Variants in FBXL17 observed in about 807,000 individuals in gnomAD.
FBXL17 encodes the protein F-box and leucine rich repeat protein 17.
In FBXL17, 22 loss-of-function variants were observed where a neutral mutation model predicts 66.2. That is an observed-to-expected ratio of 0.33 (90% CI 0.24 to 0.47). The LOEUF (loss-of-function observed/expected upper bound fraction) is 0.47, where lower values mean the gene tolerates loss of function less well. Ranked by LOEUF, FBXL17 falls within the 20% of genes least tolerant of loss-of-function variation. FBXL17 has a pLI of 1.00. For synonymous variants in FBXL17, 474 were observed against 400.5 expected, an observed-to-expected ratio of 1.18 and a Z score of -2.19; for missense variants, 878 against 948.2, an observed-to-expected ratio of 0.93 and a Z score of 0.97.
intron 7 of FBXL17, among the ~76,000 whole-genome samples, chr5:107,984,154 T>C (rs892226825): frequency 1.3e-5 from 2 of 152,108 alleles, no homozygotes; most frequent in Non-Finnish European, 2.9e-5. Flanking sequence ...GCTTTTTTCC[T>C]TATGAGCTGG....
chr5:108,238,533 C>T (rs958707042), intron 4 of FBXL17, among the ~76,000 whole-genome samples: 1 of 152,138 alleles, frequency 6.6e-6, no homozygotes, highest in African/African-American at 2.4e-5. Context: ...TTTGGGGGAA[C>T]AGGGTCTCAT....
chr5:108,256,298 A>T (rs568372243), intron 4 of FBXL17, among the ~76,000 whole-genome samples: 98 of 152,340 alleles, frequency 6.4e-4, no homozygotes, highest in African/African-American at 2.3e-3. Flanking sequence ...TTATCTTGAC[A>T]TTCAAACAAA....
chr5:108,299,034 A>T (rs1229183368), intron 4 of FBXL17: 1 of 978,082 alleles, frequency 1.0e-6, no homozygotes, highest in Non-Finnish European at 1.2e-6. Flanking sequence ...TGGATACCTC[A>T]TTTTAACATG....
At chr5:108,285,768 CT>C (rs1305943778) in intron 4 of FBXL17, among the ~76,000 whole-genome samples, 3 of 151,196 alleles carry the variant, frequency 2.0e-5, no homozygotes, top group Non-Finnish European at 4.4e-5. Flanking sequence ...AAACAGTGGA[CT>C]TTACAATAAC....
At chr5:108,247,526 T>C (rs1320041520) in intron 4 of FBXL17, among the ~76,000 whole-genome samples, 1 of 152,178 alleles carries the variant, frequency 6.6e-6, no homozygotes. Context: ...TTCTCATAAA[T>C]AAGGTCATTC....
At chr5:108,298,131 T>C (rs1400288203) in intron 4 of FBXL17, 1 of 967,934 alleles carries the variant, frequency 1.0e-6, no homozygotes. Flanking sequence ...TATAACTAAT[T>C]TGTTTTTCTT....
intron 6 of FBXL17, among the ~76,000 whole-genome samples, chr5:108,167,347 T>C (rs1752451084): frequency 6.6e-6 from 1 of 152,200 alleles, no homozygotes; most frequent in South Asian, 2.1e-4. Flanking sequence ...ATTCTAATAA[T>C]GAACTAATGA....
chr5:108,092,681 T>G (rs1458662025), intron 6 of FBXL17, among the ~76,000 whole-genome samples: 1 of 152,102 alleles, frequency 6.6e-6, no homozygotes, highest in Non-Finnish European at 1.5e-5. Flanking sequence ...TTGCCAAGAA[T>G]CATTTATAGG....
chr5:107,890,326 A>C (rs1183115411), intron 7 of FBXL17, among the ~76,000 whole-genome samples: 1 of 151,712 alleles, frequency 6.6e-6, no homozygotes, highest in Non-Finnish European at 1.5e-5. Context: ...CACTGTAAAG[A>C]CCGAATGTCA....
At chr5:108,291,191 T>C (rs911400675) in intron 4 of FBXL17, among the ~76,000 whole-genome samples, 1 of 152,216 alleles carries the variant, frequency 6.6e-6, no homozygotes, top group Non-Finnish European at 1.5e-5. Context: ...AAAACAATTA[T>C]TGTCACCCAC....
intron 4 of FBXL17, among the ~76,000 whole-genome samples, chr5:108,224,584 TTTG>T (rs1755017891): frequency 6.6e-6 from 1 of 151,400 alleles, no homozygotes; most frequent in Non-Finnish European, 1.5e-5. Context: ...GTTGGTTTGT[TTTG>T]GGGTTTTTTG....
At chr5:107,884,588 C>A (rs1162943396) in intron 7 of FBXL17, among the ~76,000 whole-genome samples, 1 of 152,162 alleles carries the variant, frequency 6.6e-6, no homozygotes, top group Non-Finnish European at 1.5e-5. Flanking sequence ...ACGTAATTTG[C>A]CTCTCTTTGA....
intron 6 of FBXL17, among the ~76,000 whole-genome samples, chr5:108,107,668 C>T (rs1255784779): frequency 6.6e-6 from 1 of 151,638 alleles, no homozygotes; most frequent in Non-Finnish European, 1.5e-5. Flanking sequence ...AAAAATTAGC[C>T]AGGCATGGTG....
chr5:108,198,144 C>G (rs181842650), intron 5 of FBXL17, among the ~76,000 whole-genome samples: 1 of 152,252 alleles, frequency 6.6e-6, no homozygotes, highest in East Asian at 1.9e-4. Context: ...GTCCCTATGG[C>G]TTCTCTCTGT....
intron 5 of FBXL17, among the ~76,000 whole-genome samples, chr5:108,211,490 TTC>T (rs1186113814): frequency 6.6e-6 from 1 of 152,230 alleles, no homozygotes; most frequent in Non-Finnish European, 1.5e-5. Flanking sequence ...TGTTTAGTGC[TTC>T]TTTCAGGAGC....
rs543325837 is a variant in FBXL17 at position 108,116,675 on chromosome 5, T to A, written c.1745+69442A>T. Among the ~76,000 whole-genome samples, 27 of 151,512 alleles carry A rather than the reference T, an allele frequency of 1.8e-4. No individual in the cohort carries two copies. The South Asian group carries it at 5.4e-3, about 30-fold the overall frequency. On this transcript the variant is annotated intron_variant, in intron 6 of 8. Transcript: ENST00000542267. ...AATAATAATAATAATAAAAAAATAA[T>A]AATAAAACAAGTTAATAAGATAAAG...
chr5:108,348,694 C>A (rs989974470), intron 3 of FBXL17, among the ~76,000 whole-genome samples, 164 bp from the exon 4 acceptor site: 1 of 152,200 alleles, frequency 6.6e-6, no homozygotes, highest in Non-Finnish European at 1.5e-5. Context: ...TAAAACAGTA[C>A]TGTATAAACA....
intron 5 of FBXL17, among the ~76,000 whole-genome samples, chr5:108,194,485 A>C (rs190346497): frequency 1.3e-5 from 2 of 152,310 alleles, no homozygotes; most frequent in Admixed American, 1.3e-4. Context: ...AACAGCCGCC[A>C]AGGAACCAGG....
chr5:108,022,478 A>G (rs1754640185), intron 6 of FBXL17, among the ~76,000 whole-genome samples: 2 of 146,592 alleles, frequency 1.4e-5, no homozygotes, highest in South Asian at 5.2e-4. Flanking sequence ...ATAATATCCT[A>G]AATCATTAAA....
Sources: allele counts gnomAD v4.1 joint callset (sites outside exome capture counted in the v4.1 genomes callset), GRCh38; gene constraint gnomAD v4.1.1; transcripts MANE v1.5; gene names NCBI Gene and HGNC (gene_info 2026-07-23, HGNC 2026-07-21).